Variants in COL19A1 observed in about 807,000 individuals in gnomAD.
COL19A1 encodes the protein collagen alpha-1(XIX) chain.
A neutral mutation model predicts 190.2 loss-of-function variants in COL19A1; 159 were observed. That is an observed-to-expected ratio of 0.84 (90% CI 0.73 to 0.95). The LOEUF is 0.95. COL19A1 is among the 40% of genes least tolerant of loss of function. The pLI, the probability that COL19A1 is intolerant of heterozygous loss-of-function variation, is 0.00. For missense variants in COL19A1, 1,418 were observed against 1,431.9 expected (o/e 0.99, Z 0.16); for synonymous variants, 509 against 458.9 (o/e 1.11, Z -1.39).
At chr6:70,034,414 G>T in intron 13 of COL19A1, 116 bp downstream of exon 13, 1 of 762,220 alleles carries the variant, frequency 1.3e-6, no homozygotes, top group Non-Finnish European at 2.3e-6. Context: ...TTAACCAAAA[G>T]CTGTTACCTT....
At chr6:70,076,252 C>T (rs1781876205) in intron 15 of COL19A1, among the ~76,000 whole-genome samples, 1 of 152,156 alleles carries the variant, frequency 6.6e-6, no homozygotes, top group Non-Finnish European at 1.5e-5. Context: ...GGCAATTCTC[C>T]AAGGCTGCAG....
chr6:69,971,589 G>T (rs560084218), intron 11 of COL19A1, among the ~76,000 whole-genome samples: 1 of 152,240 alleles, frequency 6.6e-6, no homozygotes, highest in African/African-American at 2.4e-5. Context: ...GGACCCAAAA[G>T]AAAAACACGG....
intron 4 of COL19A1, among the ~76,000 whole-genome samples, chr6:69,902,936 G>A (rs772247967): frequency 6.6e-6 from 1 of 152,162 alleles, no homozygotes; most frequent in South Asian, 2.1e-4. Context: ...GTTGGGGCAG[G>A]CAATAACAGA....
Position 70,156,696 on chromosome 6 carries a change from T to C in COL19A1, c.2265T>C (p.Pro755=), listed in dbSNP as rs141708197. 16 of 1,611,464 alleles carry C rather than the reference T, an allele frequency of 9.9e-6. No individual in the cohort carries two copies. Among genetic ancestry groups the C allele is most frequent in the Non-Finnish European group, 1.4e-5 (16 of 1,178,454 alleles). The change falls in exon 34 of 51, where the codon CCT becomes CCC. Residue 755 remains proline (P), a synonymous_variant. Transcript: ENST00000620364. ...GAAGCAAAGGAGAGCGGGGCTACCC[T>C]GGGATACCTGGGGAGAAAGGCGATG... The part of the protein sequence containing the change: ...PKGSKGERGY[P]GIPGEKGDEG...
chr6:69,921,200 CATATATTCATATATA>C (rs1771742490), intron 4 of COL19A1, among the ~76,000 whole-genome samples: 1 of 129,996 alleles, frequency 7.7e-6, no homozygotes, highest in South Asian at 2.3e-4. Context: ...ATATATATCA[CATATATTCATATATA>C]ATATATCCAT....
intron 15 of COL19A1, among the ~76,000 whole-genome samples, chr6:70,096,161 G>A (rs754015868): frequency 6.1e-5 from 9 of 148,732 alleles, no homozygotes; most frequent in African/African-American, 7.5e-5. Context: ...AGCTTACTGC[G>A]CCCTCCACCT....
chr6:70,004,726 T>C (rs191670800), intron 11 of COL19A1, among the ~76,000 whole-genome samples: 6 of 152,192 alleles, frequency 3.9e-5, no homozygotes, highest in African/African-American at 1.4e-4. Context: ...TCAGGTAATT[T>C]ATGTTCCTCT....
rs533126731 is a variant in COL19A1 at position 70,192,581 on chromosome 6, G to A, written c.3094+2200G>A. Among the ~76,000 whole-genome samples the A allele has an allele frequency of 1.1e-4, 15 of 131,114 alleles. No individual in the cohort carries two copies. In the East Asian group the frequency reaches 2.1e-3, roughly 18 times the overall value. The allele number at this position is 131,114 out of a possible 152,430, so 86.0% of individuals were successfully genotyped here. On this transcript the variant is annotated intron_variant, in intron 48 of 50. Coordinates refer to ENST00000620364, the MANE Select transcript of COL19A1 (RefSeq NM_001858.6). ...TTTCCAAACACTCATTTCCCCGTCA[G>A]GAAGTTTGAAAAAAAGGCAACTGTT...
At chr6:70,003,651 A>G (rs1308929463) in intron 11 of COL19A1, among the ~76,000 whole-genome samples, 2 of 150,868 alleles carry the variant, frequency 1.3e-5, no homozygotes, top group Non-Finnish European at 3.0e-5. Context: ...TTTTTTTTTA[A>G]TCGTAGTTGG....
At chr6:69,982,404 C>T (rs1294359386) in intron 11 of COL19A1, among the ~76,000 whole-genome samples, 3 of 151,972 alleles carry the variant, frequency 2.0e-5, no homozygotes, top group Middle Eastern at 6.8e-3. Flanking sequence ...CCACACCCGA[C>T]TAATTTTTGC....
At chr6:70,185,236 G>T (rs1766434581) in intron 46 of COL19A1, among the ~76,000 whole-genome samples, 1 of 152,086 alleles carries the variant, frequency 6.6e-6, no homozygotes, top group South Asian at 2.1e-4. Flanking sequence ...CTAGAGTAAG[G>T]TTTCTCAACC....
At chr6:69,964,970 A>T (rs955923281) in intron 11 of COL19A1, among the ~76,000 whole-genome samples, 2 of 152,110 alleles carry the variant, frequency 1.3e-5, no homozygotes, top group African/African-American at 2.4e-5. Context: ...AACCACATGT[A>T]TTTTTTCATG....
chr6:69,946,416 A>G (rs76962455), intron 9 of COL19A1, among the ~76,000 whole-genome samples: 12,922 of 152,086 alleles, frequency 0.085, 641 homozygotes, highest in East Asian at 0.2. Context: ...CTTACCCATC[A>G]TATCTGGATT....
At chr6:69,995,357 A>G (rs1187523519) in intron 11 of COL19A1, among the ~76,000 whole-genome samples, 1 of 152,222 alleles carries the variant, frequency 6.6e-6, no homozygotes, top group African/African-American at 2.4e-5. Flanking sequence ...ATCTAATAGT[A>G]TATTTTCCAA....
intron 18 of COL19A1, chr6:70,130,921 A>G (rs1272883279): frequency 9.8e-6 from 2 of 203,760 alleles, no homozygotes; most frequent in African/African-American, 4.7e-5. Context: ...ACCAAAACAT[A>G]AGCTGCCCTG....
chr6:69,917,460 C>T (rs1274845141), intron 4 of COL19A1, among the ~76,000 whole-genome samples: 1 of 152,138 alleles, frequency 6.6e-6, no homozygotes, highest in Non-Finnish European at 1.5e-5. Flanking sequence ...ATGGATGCTT[C>T]CTATATGCAA....
intron 11 of COL19A1, among the ~76,000 whole-genome samples, chr6:69,977,256 C>T (rs1301254743): frequency 6.6e-6 from 1 of 152,032 alleles, no homozygotes; most frequent in African/African-American, 2.4e-5. Flanking sequence ...AGTTCATGTC[C>T]TTTGTAGGGA....
At chr6:70,177,293 T>C (rs1297665133) in intron 42 of COL19A1, among the ~76,000 whole-genome samples, 1 of 152,072 alleles carries the variant, frequency 6.6e-6, no homozygotes, top group Non-Finnish European at 1.5e-5. Flanking sequence ...GGAAAGTCAA[T>C]GGAAACCATG....
chr6:70,054,034 T>C (rs1780358679), intron 14 of COL19A1, among the ~76,000 whole-genome samples: 1 of 152,166 alleles, frequency 6.6e-6, no homozygotes, highest in African/African-American at 2.4e-5. Flanking sequence ...TAAGTACAAA[T>C]TGAGTCTAAT....
Sources: allele counts gnomAD v4.1 joint callset (sites outside exome capture counted in the v4.1 genomes callset), GRCh38; gene constraint gnomAD v4.1.1; transcripts MANE v1.5; gene names NCBI Gene and HGNC (gene_info 2026-07-23, HGNC 2026-07-21).